Variants in GJA8 observed in about 807,000 individuals in gnomAD.
GJA8 encodes gap junction alpha-8 protein.
Under a neutral mutation model 15.3 loss-of-function variants are expected in GJA8, and 13 were observed. The observed-to-expected ratio is 0.85, with a 90% CI of 0.55 to 1.35. The LOEUF (loss-of-function observed/expected upper bound fraction) is 1.35. Ranked by LOEUF, GJA8 falls within the 40% of genes most tolerant of loss-of-function variation. GJA8 has a pLI of 0.00. For synonymous variants in GJA8, 304 were observed against 238.7 expected, an observed-to-expected ratio of 1.27 and a Z score of -2.52; for missense variants, 607 against 553.3, an observed-to-expected ratio of 1.10 and a Z score of -0.97.
chr1:147,911,008 C>T (rs1652096357), downstream of GJA8, among the ~76,000 whole-genome samples: 3 of 152,274 alleles, frequency 2.0e-5, no homozygotes, highest in Middle Eastern at 3.4e-3. Flanking sequence ...AGCAATTTTA[C>T]CCTCAGCCAA....
In GJA8 at chr1:147,908,275, A is replaced by G; in HGVS notation, c.320A>G (p.Lys107Arg). The part of the protein sequence containing the change: ...VHYVRMEEKR[K>R]SREAEELGQQ... The stretch of plus-strand genomic sequence containing the variant: ...TACGTCCGCATGGAGGAGAAGCGCA[A>G]AAGCCGCGAGGCGGAGGAGCTGGGC... Residue 107 changes from lysine (K) to arginine (R), a missense_variant, in exon 2 of 2, where the codon AAA (lysine) becomes AGA (arginine). Physicochemically the swap from Lys to Arg is conservative, Grantham distance 26 (BLOSUM62 2). Coordinates refer to ENST00000369235, the MANE Select transcript of GJA8 (RefSeq NM_005267.5). The G allele has an allele frequency of 6.2e-7, 1 of 1,614,170 alleles. No individual in the cohort carries two copies. Among genetic ancestry groups the G allele is most frequent in the Non-Finnish European group, 8.5e-7 (1 of 1,180,016 alleles).
In GJA8 at chr1:147,908,501, C is replaced by A; in HGVS notation, c.546C>A (p.Arg182=). 1 of 1,614,206 alleles carries A rather than the reference C, an allele frequency of 6.2e-7. No homozygotes were observed. The highest frequency in any genetic ancestry group is 1.3e-5 in the African/African-American group (1 of 75,048). The stretch of plus-strand genomic sequence containing the variant: ...GGTTCCGGATCCTGCCTCTGTACCG[C>A]TGCAGCCGGTGGCCCTGCCCCAATG... The part of the protein sequence containing the change: ...LYGFRILPLY[R]CSRWPCPNVV... The change falls in exon 2 of 2, where the codon CGC becomes CGA. Residue 182 remains arginine, a synonymous_variant. Coordinates refer to ENST00000369235, the MANE Select transcript of GJA8 (RefSeq NM_005267.5).
downstream of GJA8, among the ~76,000 whole-genome samples, chr1:147,912,254 G>A (rs1553243568): frequency 1.3e-5 from 2 of 152,204 alleles, no homozygotes; most frequent in Non-Finnish European, 1.5e-5. Context: ...GTAAGACTGG[G>A]AAGAAGGGCA....
At position 147,908,882 on chromosome 1, in the gene GJA8, G is replaced by A. The variant is rs1553242904; in HGVS notation, c.927G>A (p.Leu309=). The A allele has an allele frequency of 1.2e-6, 2 of 1,614,080 alleles. No individual in the cohort carries two copies. The highest frequency in any genetic ancestry group is 1.7e-5 in the Admixed American group (1 of 60,020). ...QFEEKISTGP[L]GDLSRGYQET... The stretch of plus-strand genomic sequence containing the variant: ...AGGAGAAGATCAGCACAGGACCCCT[G>A]GGGGACTTGTCCCGGGGCTACCAAG... Residue 309 remains leucine (L), a synonymous_variant, in exon 2 of 2, where the codon CTG becomes CTA. Transcript: ENST00000369235.
chr1:147,912,486 C>T (rs1553243587), downstream of GJA8, among the ~76,000 whole-genome samples: 1 of 152,158 alleles, frequency 6.6e-6, no homozygotes, highest in Admixed American at 6.5e-5. Flanking sequence ...CCATCTTAAG[C>T]GGCCACACAA....
At chr1:147,907,265 A>C (rs1207125061) in intron 1 of GJA8, among the ~76,000 whole-genome samples, 7 of 152,220 alleles carry the variant, frequency 4.6e-5, no homozygotes, top group Non-Finnish European at 1.0e-4. Flanking sequence ...GCTGTATGTC[A>C]GGCATTGAGT....
chr1:147,910,276 C>T (rs1024681351), downstream of GJA8, among the ~76,000 whole-genome samples: 16 of 152,300 alleles, frequency 1.1e-4, no homozygotes, highest in East Asian at 7.7e-4. Context: ...CTGTGAGGCA[C>T]CAATTTGCAA....
chr1:147,913,800 G>A (rs77752292), downstream of GJA8, among the ~76,000 whole-genome samples: 3,858 of 152,264 alleles, frequency 0.025, 144 homozygotes, highest in African/African-American at 0.088. Flanking sequence ...GCCCAACCCA[G>A]CTTAGCAAAG....
chr1:147,907,236 A>T (rs1651834236), intron 1 of GJA8, among the ~76,000 whole-genome samples: 1 of 152,126 alleles, frequency 6.6e-6, no homozygotes, highest in African/African-American at 2.4e-5. Flanking sequence ...ATACTTATCA[A>T]GTTCTCACTG....
At position 147,908,325 on chromosome 1, in the gene GJA8, C is replaced by CCGGACCAGGGCAG. The variant is rs1553242655; in HGVS notation, c.373_385dup (p.Val129GlyfsTer15). ...CCAGCAGGCGGGGACTAACGGCGGCCCGGACCAGGGCAGCGTCAAGAAGAG... is the reference window on the plus strand; with the variant it reads ...CCAGCAGGCGGGGACTAACGGCGGCCCGGACCAGGGCAGCGGACCAGGGCAGCGTCAAGAAGAG... On this transcript the variant is annotated frameshift_variant, in exon 2 of 2. Transcript: ENST00000369235. LOFTEE classifies it high-confidence loss of function. 2 of 1,614,060 alleles carry CCGGACCAGGGCAG rather than the reference C, an allele frequency of 1.2e-6. No homozygotes were observed. Among genetic ancestry groups the CCGGACCAGGGCAG allele is most frequent in the Non-Finnish European group, 1.7e-6 (2 of 1,180,030 alleles).
At chr1:147,907,079 G>T (rs782217449) in intron 1 of GJA8, among the ~76,000 whole-genome samples, 12 of 151,932 alleles carry the variant, frequency 7.9e-5, no homozygotes, top group Non-Finnish European at 1.6e-4. Context: ...TAGAGATGGG[G>T]TCTCACTGTG....
chr1:147,909,364 C>A, downstream of GJA8: 1 of 878,266 alleles, frequency 1.1e-6, no homozygotes, highest in Non-Finnish European at 1.8e-6. Flanking sequence ...CTCCCACCAG[C>A]CTCTGGTTGG....
chr1:147,912,724 C>G (rs1183493796), downstream of GJA8, among the ~76,000 whole-genome samples: 1 of 151,912 alleles, frequency 6.6e-6, no homozygotes, highest in Admixed American at 6.6e-5. Context: ...CATTAGACAG[C>G]GGGACATCAG....
chr1:147,909,386 A>C, downstream of GJA8: 1 of 739,794 alleles, frequency 1.4e-6, no homozygotes. Context: ...CAGGCACTGC[A>C]GCAGGGCAGT....
chr1:147,909,058 A>C lies in GJA8; in HGVS notation c.1103A>C (p.Glu368Ala). The C allele has an allele frequency of 6.2e-7, 1 of 1,603,640 alleles. No homozygotes were observed. Among genetic ancestry groups the C allele is most frequent in the Non-Finnish European group, 8.5e-7 (1 of 1,174,798 alleles). The change falls in exon 2 of 2, where the codon GAG becomes GCG. Residue 368 changes from glutamate (E) to alanine (A), a missense_variant. Transcript: ENST00000369235. ...GAGCAGGAGAAGGTGGCCGTGCCAG[A>C]GGGGGAGAAAGTAGAGACCCCCGGA... ...TEEQEKVAVP[E>A]GEKVETPGVD...
the GJA8 span, among the ~76,000 whole-genome samples, chr1:147,914,272 T>G: frequency 6.6e-6 from 1 of 152,142 alleles, no homozygotes; most frequent in Non-Finnish European, 1.5e-5. Flanking sequence ...CCATGGCCTT[T>G]TTCTGCAATT....
At chr1:147,909,271 A>T (rs782152627), downstream of GJA8, 27 of 916,180 alleles carry the variant, frequency 2.9e-5, no homozygotes, top group African/African-American at 3.0e-4. Flanking sequence ...GACGCCAAAG[A>T]AAAAAAAAAA....
rs587736473 is a variant in GJA8, at chr1:147,909,028, C to T, written c.1073C>T (p.Thr358Met). 2.4e-5 allele frequency: 39 copies of T among 1,596,582 alleles called. No homozygotes were observed. The highest frequency in any genetic ancestry group is 4.0e-5 in the African/African-American group (3 of 74,606). ...AAGGAGGAAGCAGAGAGGCTGACCA[C>T]GGAGGAGCAGGAGAAGGTGGCCGTG... ...EKKEEAERLT[T>M]EEQEKVAVPE... Residue 358 changes from threonine to methionine, a missense_variant, in exon 2 of 2, where the codon ACG becomes ATG. Coordinates refer to ENST00000369235, the MANE Select transcript of GJA8 (RefSeq NM_005267.5).
chr1:147,911,069 A>G (rs1195939097), downstream of GJA8, among the ~76,000 whole-genome samples: 2 of 152,214 alleles, frequency 1.3e-5, no homozygotes, highest in Middle Eastern at 3.2e-3. Flanking sequence ...CTAAAGCAAC[A>G]CTATGCTTCA....
Sources: allele counts gnomAD v4.1 joint callset (sites outside exome capture counted in the v4.1 genomes callset), GRCh38; gene constraint gnomAD v4.1.1; transcripts MANE v1.5; gene names NCBI Gene and HGNC (gene_info 2026-07-23, HGNC 2026-07-21).